SGCZ: variants seen among roughly 807,000 people sequenced by gnomAD.
SGCZ encodes the protein sarcoglycan zeta.
A neutral mutation model predicts 41.3 loss-of-function variants in SGCZ; 40 were observed. The observed-to-expected ratio is 0.97, with a 90% CI of 0.75 to 1.26. The LOEUF (loss-of-function observed/expected upper bound fraction) is 1.26, where lower values mean the gene tolerates loss of function less well. Among genes scored for constraint, SGCZ ranks in the 50% most tolerant of loss-of-function variants. The pLI is 0.00. For synonymous variants in SGCZ, 206 were observed against 137.5 expected (o/e 1.50, Z -3.49); for missense variants, 552 against 369.8 (o/e 1.49, Z -4.04).
At chr8:14,824,180 C>T (rs7826089) in intron 1 of SGCZ, among the ~76,000 whole-genome samples, 83,835 of 151,814 alleles carry the variant, frequency 0.55, 26,053 homozygotes, top group East Asian at 0.85. Context: ...TGGCATTCCA[C>T]TGCACAGTAG....
At chr8:14,615,826 T>C (rs1163940572) in intron 1 of SGCZ, among the ~76,000 whole-genome samples, 1 of 152,194 alleles carries the variant, frequency 6.6e-6, no homozygotes, top group African/African-American at 2.4e-5. Flanking sequence ...ATTGAACTAT[T>C]ACATGTGCAA....
At chr8:14,623,382 C>G (rs1053913078) in intron 1 of SGCZ, among the ~76,000 whole-genome samples, 1 of 152,082 alleles carries the variant, frequency 6.6e-6, no homozygotes, top group Non-Finnish European at 1.5e-5. Flanking sequence ...TTGCGTGAAG[C>G]AAAAAGCATC....
chr8:14,923,099 T>C (rs1237714497), intron 1 of SGCZ, among the ~76,000 whole-genome samples: 5 of 152,176 alleles, frequency 3.3e-5, no homozygotes, highest in African/African-American at 1.2e-4. Flanking sequence ...AGCTAGTGTC[T>C]GCAAAGTCAT....
chr8:14,470,776 CA>C (rs1801192211), intron 2 of SGCZ, among the ~76,000 whole-genome samples: 1 of 152,088 alleles, frequency 6.6e-6, no homozygotes, highest in Non-Finnish European at 1.5e-5. Flanking sequence ...GGAAAGACCT[CA>C]AAAGAAAGTC....
intron 5 of SGCZ, among the ~76,000 whole-genome samples, chr8:14,146,106 G>A (rs1803512721): frequency 6.6e-6 from 1 of 152,102 alleles, no homozygotes; most frequent in South Asian, 2.1e-4. Flanking sequence ...ACAACACCAA[G>A]CAGATTCAAC....
chr8:14,457,488 T>G (rs1301456830), intron 2 of SGCZ, among the ~76,000 whole-genome samples: 1 of 152,152 alleles, frequency 6.6e-6, no homozygotes, highest in African/African-American at 2.4e-5. Flanking sequence ...CTCCAACTCT[T>G]GTGGAGGGCC....
At chr8:14,604,463 A>T (rs1805685462) in intron 1 of SGCZ, among the ~76,000 whole-genome samples, 1 of 152,084 alleles carries the variant, frequency 6.6e-6, no homozygotes, top group African/African-American at 2.4e-5. Context: ...ATATGTATTC[A>T]TTTTAATTAT....
intron 1 of SGCZ, among the ~76,000 whole-genome samples, chr8:14,611,800 T>G (rs183876126): frequency 6.6e-6 from 1 of 152,210 alleles, no homozygotes; most frequent in Admixed American, 6.5e-5. Context: ...ACTAATAAAA[T>G]ACAGTATGTA....
At chr8:14,836,445 G>A (rs1367596102) in intron 1 of SGCZ, among the ~76,000 whole-genome samples, 4 of 152,066 alleles carry the variant, frequency 2.6e-5, no homozygotes, top group East Asian at 3.9e-4. Flanking sequence ...ACAATAACCT[G>A]GTATCCCGCT....
chr8:14,994,354 C>T lies in SGCZ; in HGVS notation c.39+243231G>A, dbSNP rs189243654. Among the ~76,000 whole-genome samples the T allele has an allele frequency of 3.6e-3, 550 of 152,148 alleles. 10 individuals are homozygous for T. Among genetic ancestry groups the T allele is most frequent in the Admixed American group, 0.027 (409 of 15,286 alleles). On this transcript the variant is annotated intron_variant, in intron 1 of 7. Coordinates refer to ENST00000382080, the MANE Select transcript of SGCZ (RefSeq NM_139167.4). ...ATCCCAGCACTTTGGGAGGCCGAGG[C>T]GGGCAGATTGCCTGAGCTCAGGAGT...
intron 1 of SGCZ, among the ~76,000 whole-genome samples, chr8:14,754,174 T>A (rs1033048182): frequency 1.3e-5 from 2 of 152,170 alleles, no homozygotes; most frequent in Non-Finnish European, 2.9e-5. Context: ...AGAAGAGTAA[T>A]GGAGGCCAAT....
At chr8:14,865,525 G>A (rs959345148) in intron 1 of SGCZ, among the ~76,000 whole-genome samples, 1 of 152,112 alleles carries the variant, frequency 6.6e-6, no homozygotes, top group Non-Finnish European at 1.5e-5. Flanking sequence ...CCTGAAGGAA[G>A]CGTGGGGTAT....
intron 1 of SGCZ, among the ~76,000 whole-genome samples, chr8:15,166,232 CT>C (rs146755729): frequency 7.6e-5 from 11 of 145,284 alleles, no homozygotes; most frequent in Admixed American, 1.4e-4. Context: ...ATGCTCAATC[CT>C]TTTTTTTTTC....
chr8:14,549,499 G>C (rs1458361072), intron 2 of SGCZ, among the ~76,000 whole-genome samples: 1 of 152,002 alleles, frequency 6.6e-6, no homozygotes, highest in African/African-American at 2.4e-5. Flanking sequence ...TCTACTGAAA[G>C]TGAACCTACA....
intron 1 of SGCZ, among the ~76,000 whole-genome samples, chr8:15,083,999 G>A (rs1805859201): frequency 6.6e-6 from 1 of 152,120 alleles, no homozygotes; most frequent in Admixed American, 6.6e-5. Flanking sequence ...AAAAATTAAT[G>A]TACTCATCAC....
chr8:14,130,008 G>T (rs1302317237), intron 5 of SGCZ, among the ~76,000 whole-genome samples: 1 of 152,116 alleles, frequency 6.6e-6, no homozygotes, highest in Non-Finnish European at 1.5e-5. Flanking sequence ...CATATGAAAT[G>T]ATTATCAGTC....
intron 1 of SGCZ, among the ~76,000 whole-genome samples, chr8:14,561,002 C>T (rs907863789): frequency 2.6e-5 from 4 of 152,060 alleles, no homozygotes; most frequent in Non-Finnish European, 5.9e-5. Flanking sequence ...AGAGCATCTA[C>T]GCTGCAGTAA....
At chr8:14,595,914 G>T (rs921058017) in intron 1 of SGCZ, among the ~76,000 whole-genome samples, 2 of 152,132 alleles carry the variant, frequency 1.3e-5, no homozygotes, top group African/African-American at 2.4e-5. Context: ...AAAATGTTAG[G>T]TTGTCCAATG....
At chr8:14,616,008 G>C (rs4831620) in intron 1 of SGCZ, among the ~76,000 whole-genome samples, 2 of 151,912 alleles carry the variant, frequency 1.3e-5, no homozygotes, top group African/African-American at 4.8e-5. Flanking sequence ...CCTGGGCTGG[G>C]CGCAGTGGCT....
Sources: gnomAD v4.1 joint callset for allele counts (sites outside exome capture counted in the v4.1 genomes callset) on GRCh38, gnomAD v4.1.1 for gene constraint, MANE v1.5 for transcripts, NCBI Gene and HGNC (gene_info 2026-07-23, HGNC 2026-07-21) for gene names.